The following SPAST variants were observed in gnomAD, a reference collection of about 807,000 sequenced individuals.
SPAST encodes spastin.
Under a neutral mutation model 76.6 loss-of-function variants are expected in SPAST, and 30 were observed. That is an observed-to-expected ratio of 0.39 (90% CI 0.29 to 0.53). The LOEUF (loss-of-function observed/expected upper bound fraction) is 0.53. SPAST is among the 20% of genes least tolerant of loss of function. The pLI, the probability that SPAST is intolerant of heterozygous loss-of-function variation, is 0.68. For missense variants in SPAST, 717 were observed against 770.5 expected (o/e 0.93, Z 0.82); for synonymous variants, 305 against 281.0 (o/e 1.09, Z -0.86).
Position 32,064,143 on chromosome 2 carries a change from C to G in SPAST, c.312C>G (p.Ala104=). 3.2e-6 allele frequency: 5 copies of G among 1,565,484 alleles called. No homozygotes were observed. Among genetic ancestry groups the G allele is most frequent in the South Asian group, 1.2e-5 (1 of 86,100 alleles). ...CGCCAGCACCTGCCTCGGCCTCGGC[C>G]CCGGCGCCGGTGCCGGGCGGCGAGG... ...GAAPAPASAS[A]PAPVPGGEAE... Residue 104 remains alanine (A), a synonymous_variant, in exon 1 of 17, where the codon GCC becomes GCG. Coordinates refer to ENST00000315285, the MANE Select transcript of SPAST (RefSeq NM_014946.4).
chr2:32,109,758 GTATA>G (rs1394137979), intron 4 of SPAST, among the ~76,000 whole-genome samples: 2 of 147,922 alleles, frequency 1.4e-5, no homozygotes, highest in Non-Finnish European at 3.0e-5. Flanking sequence ...TAAGCTATCT[GTATA>G]TAGTTATATA....
intron 9 of SPAST, chr2:32,129,946 C>T: frequency 6.5e-6 from 1 of 153,084 alleles, no homozygotes; most frequent in Non-Finnish European, 1.5e-5. Flanking sequence ...CTGCAGTGAA[C>T]TGTGATCATG....
chr2:32,148,247 G>C (rs930784383), intron 16 of SPAST, among the ~76,000 whole-genome samples: 2 of 151,896 alleles, frequency 1.3e-5, no homozygotes, highest in Admixed American at 1.3e-4. Flanking sequence ...TTAGAAGCTA[G>C]AAAAAATTAA....
At chr2:32,073,540 G>C (rs1432563554) in intron 1 of SPAST, among the ~76,000 whole-genome samples, 1 of 152,046 alleles carries the variant, frequency 6.6e-6, no homozygotes, top group East Asian at 1.9e-4. Flanking sequence ...GTATTGCCCA[G>C]GCTGGTCTTG....
chr2:32,131,073 T>G (rs1381162432), intron 9 of SPAST, among the ~76,000 whole-genome samples: 1 of 152,212 alleles, frequency 6.6e-6, no homozygotes, highest in Admixed American at 6.5e-5. Flanking sequence ...ATGATAGAGA[T>G]AGCCTTGGTG....
At chr2:32,070,369 A>G (rs914860552) in intron 1 of SPAST, among the ~76,000 whole-genome samples, 8 of 152,114 alleles carry the variant, frequency 5.3e-5, no homozygotes, top group Non-Finnish European at 7.4e-5. Flanking sequence ...CACCCAACCC[A>G]TACTCAAATT....
At chr2:32,066,552 C>T (rs1676519286) in intron 1 of SPAST, among the ~76,000 whole-genome samples, 1 of 151,988 alleles carries the variant, frequency 6.6e-6, no homozygotes, top group Non-Finnish European at 1.5e-5. Flanking sequence ...CCTGTAGTCC[C>T]AGCTACTCAG....
chr2:32,092,967 A>G (rs1469255309), intron 3 of SPAST, among the ~76,000 whole-genome samples: 2 of 147,292 alleles, frequency 1.4e-5, no homozygotes, highest in South Asian at 2.3e-4. Context: ...AGATGGCACC[A>G]CTGCACTCCA....
intron 7 of SPAST, 94 bp downstream of exon 7, chr2:32,116,306 ATAAT>A: frequency 1.0e-5 from 8 of 797,932 alleles, no homozygotes; most frequent in Non-Finnish European, 1.5e-5. Context: ...CTATACTAAA[ATAAT>A]TAATTCATAT....
At position 32,111,421 on chromosome 2, in the gene SPAST, G is replaced by A. The variant is rs185552291; in HGVS notation, c.683-3217G>A. Among the ~76,000 whole-genome samples, 1,233 of 148,682 alleles carry A rather than the reference G, an allele frequency of 8.3e-3. 26 individuals are homozygous for A. Among genetic ancestry groups the A allele is most frequent in the South Asian group, 0.043 (201 of 4,714 alleles). On this transcript the variant is annotated intron_variant, in intron 4 of 16. Transcript: ENST00000315285. ...GTATATATATAGTATACTGTATAGT[G>A]TATAGAGTATATATATAGTATACTG...
intron 4 of SPAST, among the ~76,000 whole-genome samples, chr2:32,103,083 A>T (rs996627136): frequency 6.6e-6 from 1 of 152,156 alleles, no homozygotes; most frequent in Admixed American, 6.5e-5. Context: ...TCAGCTGTGA[A>T]TCCATCTGGT....
chr2:32,101,932 G>GT (rs1678142068), intron 4 of SPAST, among the ~76,000 whole-genome samples: 1 of 152,054 alleles, frequency 6.6e-6, no homozygotes, highest in South Asian at 2.1e-4. Context: ...TTGTTCTTTT[G>GT]GCTTAGGATT....
rs559680148 is a variant in SPAST, at chr2:32,156,519, A to G, written c.*2023A>G. 6.6e-6 allele frequency: 1 copy of G among 152,236 alleles called. No homozygotes were observed. Among genetic ancestry groups the G allele is most frequent in the East Asian group, 1.9e-4 (1 of 5,190 alleles). The allele number at this position is 152,236 out of a possible 1,614,324, so 9.4% of individuals were successfully genotyped here. A position where few individuals can be genotyped will look rare whatever the true frequency, so the allele number is the denominator to read the frequency against. On this transcript the variant is annotated 3_prime_UTR_variant, in exon 17 of 17. Coordinates refer to ENST00000315285, the MANE Select transcript of SPAST (RefSeq NM_014946.4). Reference sequence around the variant, plus strand: ...TTAGGTGATGGGTAGTATCCCTTTAAGGTCTCAAACATTACAACATCAATT... The same window carrying G: ...TTAGGTGATGGGTAGTATCCCTTTAGGGTCTCAAACATTACAACATCAATT...
intron 3 of SPAST, among the ~76,000 whole-genome samples, chr2:32,098,459 C>T (rs921441587): frequency 2.0e-5 from 3 of 152,058 alleles, no homozygotes; most frequent in Non-Finnish European, 2.9e-5. Flanking sequence ...AAGACCAAGA[C>T]CGATAATTAT....
At position 32,083,778 on chromosome 2, in the gene SPAST, T is replaced by A. The variant is rs865785812; in HGVS notation, c.416-3714T>A. Among the ~76,000 whole-genome samples the A allele has an allele frequency of 3.3e-3, 297 of 89,046 alleles. 6 individuals are homozygous for A. In the East Asian group the frequency reaches 0.035, roughly 10 times the overall value. The allele number at this position is 89,046 out of a possible 152,430, so 58.4% of individuals were successfully genotyped here. A position where few individuals can be genotyped will look rare whatever the true frequency, so the allele number is the denominator to read the frequency against. ...TATATATATATATATATATATATAT[T>A]TTTTTTTTTTTTTGAGATGAAGTCA... On this transcript the variant is annotated intron_variant, in intron 1 of 16. Coordinates refer to ENST00000315285, the MANE Select transcript of SPAST (RefSeq NM_014946.4).
Position 32,063,771 on chromosome 2 carries a change from G to T in SPAST, c.-61G>T. The T allele has an allele frequency of 6.5e-7, 1 of 1,531,252 alleles. No individual in the cohort carries two copies. Among genetic ancestry groups the T allele is most frequent in the Non-Finnish European group, 8.7e-7 (1 of 1,145,422 alleles). 94.9% of individuals were successfully genotyped at this position (1,531,252 alleles called of 1,614,324 possible). A position where few individuals can be genotyped will look rare whatever the true frequency, so the allele number is the denominator to read the frequency against. On this transcript the variant is annotated 5_prime_UTR_variant, in exon 1 of 17. Transcript: ENST00000315285. The stretch of plus-strand genomic sequence containing the variant: ...CGCCGTAGCAGTGGCTGCCGCCGTC[G>T]CTTGGTTCCCGTCGGTCTGCGGGAG...
chr2:32,120,416 G>A (rs190629851), intron 7 of SPAST, among the ~76,000 whole-genome samples: 33 of 151,972 alleles, frequency 2.2e-4, no homozygotes, highest in Admixed American at 3.3e-4. Context: ...GCCAAGTAGC[G>A]TACTATTTTT....
intron 1 of SPAST, among the ~76,000 whole-genome samples, chr2:32,082,347 A>T (rs1176892057): frequency 1.3e-5 from 2 of 151,842 alleles, no homozygotes; most frequent in East Asian, 3.9e-4. Flanking sequence ...TGATGTTATA[A>T]TCCAAGCCCA....
rs751859467 is a variant in SPAST at position 32,114,007 on chromosome 2, G to A, written c.683-631G>A. On this transcript the variant is annotated intron_variant, in intron 4 of 16. Coordinates refer to ENST00000315285, the MANE Select transcript of SPAST (RefSeq NM_014946.4). The stretch of plus-strand genomic sequence containing the variant: ...TCGCCAGGCTGGAGTGCAGTGGCAC[G>A]ATCTCGGCTCACTTCAACCTCTGAC... 7.8e-4 allele frequency among the ~76,000 whole-genome samples: 118 copies of A among 151,086 alleles called. No homozygotes were observed. The highest frequency in any genetic ancestry group is 1.4e-3 in the Non-Finnish European group (97 of 67,832).
Sources: allele counts gnomAD v4.1 joint callset (sites outside exome capture counted in the v4.1 genomes callset), GRCh38; gene constraint gnomAD v4.1.1; transcripts MANE v1.5; gene names NCBI Gene and HGNC (gene_info 2026-07-23, HGNC 2026-07-21).